The following VTCN1 variants were observed in gnomAD, a reference collection of about 807,000 sequenced individuals.
VTCN1 encodes the protein V-set domain containing T cell activation inhibitor 1.
In VTCN1, 26 loss-of-function variants were observed where a neutral mutation model predicts 26.5. The ratio of observed to expected loss-of-function variants is 0.98; its 90% CI spans 0.72 to 1.36. VTCN1 has a LOEUF of 1.36. Ranked by LOEUF, VTCN1 falls within the 40% of genes most tolerant of loss-of-function variation. The pLI, the probability that VTCN1 is intolerant of heterozygous loss-of-function variation, is 0.00. For missense variants in VTCN1, 298 were observed against 337.7 expected, an observed-to-expected ratio of 0.88 and a Z score of 0.92; for synonymous variants, 116 against 130.7, an observed-to-expected ratio of 0.89 and a Z score of 0.77.
chr1:117,210,601 A>G (rs972191783), intron 1 of VTCN1, among the ~76,000 whole-genome samples: 2 of 152,172 alleles, frequency 1.3e-5, no homozygotes, highest in Non-Finnish European at 2.9e-5. Context: ...GCCACCAACC[A>G]AAAACCTCCC....
intron 3 of VTCN1, 72 bp downstream of exon 3, chr1:117,156,502 A>T: frequency 7.1e-7 from 1 of 1,417,438 alleles, no homozygotes; most frequent in African/African-American, 1.4e-5. Flanking sequence ...AACATATTTC[A>T]TAAGCAACTC....
chr1:117,186,119 C>A (rs1036015652), intron 1 of VTCN1, among the ~76,000 whole-genome samples: 6 of 152,158 alleles, frequency 3.9e-5, no homozygotes, highest in African/African-American at 1.4e-4. Flanking sequence ...GTTATAGGAA[C>A]CATCTTTTCC....
chr1:117,147,633 C>T lies in VTCN1; in HGVS notation c.*25G>A, dbSNP rs774250957. 9 of 1,609,602 alleles carry T rather than the reference C, an allele frequency of 5.6e-6. No individual in the cohort carries two copies. Among genetic ancestry groups the T allele is most frequent in the African/African-American group, 1.3e-5 (1 of 74,574 alleles). On this transcript the variant is annotated 3_prime_UTR_variant, in exon 5 of 6. Transcript: ENST00000369458. This position sits in a 1 kb window ranked among gnomAD's most constrained non-coding sequence, Gnocchi z 4.6. ...CTCACCTGTTGTAACAATGACTTTG[C>T]ATGCTTTTTTGTGGCCGAGGCACAT...
intron 2 of VTCN1, among the ~76,000 whole-genome samples, chr1:117,160,963 G>A (rs1288862338): frequency 6.6e-6 from 1 of 152,136 alleles, no homozygotes. Flanking sequence ...AGAAAAGGAG[G>A]AAGAGGAGAC....
At chr1:117,205,822 A>T (rs1182156354) in intron 1 of VTCN1, among the ~76,000 whole-genome samples, 1 of 152,182 alleles carries the variant, frequency 6.6e-6, no homozygotes, top group Non-Finnish European at 1.5e-5. Flanking sequence ...TGAAATGGAG[A>T]TGATTAGGAC....
intron 1 of VTCN1, among the ~76,000 whole-genome samples, chr1:117,200,888 A>T (rs1648751664): frequency 6.6e-6 from 1 of 152,004 alleles, no homozygotes; most frequent in South Asian, 2.1e-4. Context: ...AGTAGCTGGG[A>T]CTATAGGCGT....
chr1:117,157,117 CAGAT>C, intron 2 of VTCN1, 196 bp from the exon 3 acceptor site: 1 of 474,728 alleles, frequency 2.1e-6, no homozygotes, highest in Non-Finnish European at 3.0e-6. Flanking sequence ...ATATATATAG[CAGAT>C]CTGTCATATA....
chr1:117,179,809 G>T (rs577227693), intron 1 of VTCN1, among the ~76,000 whole-genome samples: 1 of 152,152 alleles, frequency 6.6e-6, no homozygotes, highest in East Asian at 1.9e-4. Flanking sequence ...CTGCCTCATC[G>T]ATCTAATCTA....
At chr1:117,204,857 CTCTG>C (rs1648963347) in intron 1 of VTCN1, among the ~76,000 whole-genome samples, 2 of 145,642 alleles carry the variant, frequency 1.4e-5, no homozygotes, top group Non-Finnish European at 3.0e-5. Context: ...CAGAGCGAGA[CTCTG>C]TCTCACAAAA....
intron 3 of VTCN1, among the ~76,000 whole-genome samples, chr1:117,153,842 C>A (rs1163854234): frequency 2.0e-5 from 3 of 152,150 alleles, no homozygotes; most frequent in South Asian, 2.1e-4. Context: ...AAATTCCATT[C>A]ACAAGCTTTG....
chr1:117,181,253 C>CA (rs5777301), intron 1 of VTCN1, among the ~76,000 whole-genome samples: 63,281 of 126,732 alleles, frequency 0.5, 16,365 homozygotes, highest in East Asian at 0.76. Context: ...CCTGTCTTTA[C>CA]AAAAAAAAAA....
chr1:117,199,312 T>A (rs1648676022), intron 1 of VTCN1, among the ~76,000 whole-genome samples: 1 of 152,160 alleles, frequency 6.6e-6, no homozygotes. Flanking sequence ...TCAAATCCTT[T>A]GAAATTACCA....
intron 1 of VTCN1, among the ~76,000 whole-genome samples, chr1:117,185,896 A>G (rs1409136719): frequency 1.3e-5 from 2 of 152,182 alleles, no homozygotes; most frequent in African/African-American, 4.8e-5. Context: ...GTACTGATTG[A>G]TGTCTTATGT....
chr1:117,172,011 T>C (rs1302607740), intron 1 of VTCN1, among the ~76,000 whole-genome samples: 3 of 152,128 alleles, frequency 2.0e-5, no homozygotes, highest in Non-Finnish European at 4.4e-5. Flanking sequence ...AAGTGGTTCC[T>C]GGGAAGCTCG....
At chr1:117,197,291 G>A (rs182664184) in intron 1 of VTCN1, among the ~76,000 whole-genome samples, 124 of 152,230 alleles carry the variant, frequency 8.1e-4, no homozygotes, top group African/African-American at 3.0e-3. Flanking sequence ...TGCACCTAAA[G>A]AGAAGTAGCA....
intron 1 of VTCN1, among the ~76,000 whole-genome samples, chr1:117,186,475 GA>G (rs1204226896): frequency 6.6e-6 from 1 of 152,212 alleles, no homozygotes; most frequent in Non-Finnish European, 1.5e-5. Flanking sequence ...AGCAGTATTA[GA>G]GAAGCAAGTT....
At position 117,167,457 on chromosome 1, in the gene VTCN1, G is replaced by A. The variant is rs999342710; in HGVS notation, c.97+2650C>T. Among the ~76,000 whole-genome samples, 4 of 152,174 alleles carry A rather than the reference G, an allele frequency of 2.6e-5. 1 individual carries two copies. The highest frequency in any genetic ancestry group is 2.0e-4 in the Admixed American group (3 of 15,276). ...AACTTCATATGCATAGAATCATACA[G>A]AACTTACTCTTTTGTGCTCTTCTGT... On this transcript the variant is annotated intron_variant, in intron 2 of 5. Coordinates refer to ENST00000369458, the MANE Select transcript of VTCN1 (RefSeq NM_024626.4). This position sits in a 1 kb window ranked among gnomAD's most constrained non-coding sequence, Gnocchi z 4.1.
intron 1 of VTCN1, among the ~76,000 whole-genome samples, chr1:117,182,312 C>A (rs1314491345): frequency 1.3e-5 from 2 of 152,210 alleles, no homozygotes; most frequent in African/African-American, 4.8e-5. Context: ...ATTGTTCAGT[C>A]TTCCAAAAGA....
intron 1 of VTCN1, chr1:117,173,271 A>C: frequency 1.4e-6 from 1 of 690,116 alleles, no homozygotes; most frequent in Non-Finnish European, 2.7e-6. Context: ...TTGCAGATGT[A>C]GTTAGTTAAG....
Sources: gnomAD v4.1 joint callset for allele counts (sites outside exome capture counted in the v4.1 genomes callset) on GRCh38, gnomAD v4.1.1 for gene constraint, Gnocchi (gnomAD v3.1) non-coding constraint, MANE v1.5 for transcripts, NCBI Gene and HGNC (gene_info 2026-07-23, HGNC 2026-07-21) for gene names.